LRRC20: variants seen among roughly 807,000 people sequenced by gnomAD.
LRRC20 encodes the protein leucine rich repeat containing 20.
A neutral mutation model predicts 14.4 loss-of-function variants in LRRC20; 11 were observed. The observed-to-expected ratio is 0.77, with a 90% CI of 0.48 to 1.27. The LOEUF is 1.27. LRRC20 is among the 50% of genes most tolerant of loss of function. LRRC20 has a pLI of 0.00. For synonymous variants in LRRC20, 121 were observed against 107.3 expected, an observed-to-expected ratio of 1.13 and a Z score of -0.79; for missense variants, 219 against 251.2, an observed-to-expected ratio of 0.87 and a Z score of 0.87.
chr10:70,333,417 A>T (rs1002410595), intron 3 of LRRC20, among the ~76,000 whole-genome samples: 1 of 152,062 alleles, frequency 6.6e-6, no homozygotes, highest in Admixed American at 6.6e-5. Context: ...AGGGAATTTA[A>T]CTTATTTTTT....
intron 2 of LRRC20, among the ~76,000 whole-genome samples, chr10:70,376,070 C>T (rs1844497527): frequency 6.6e-6 from 1 of 152,208 alleles, no homozygotes; most frequent in Non-Finnish European, 1.5e-5. Context: ...CAGCTGGCTT[C>T]ATTCACCCCA....
At chr10:70,382,298 T>C (rs971090083) in intron 1 of LRRC20, among the ~76,000 whole-genome samples, 2 of 152,164 alleles carry the variant, frequency 1.3e-5, no homozygotes, top group African/African-American at 4.8e-5. Flanking sequence ...CCCTGAACCA[T>C]CGGGGTCCAG....
At chr10:70,316,151 G>A (rs1249452089) in intron 4 of LRRC20, among the ~76,000 whole-genome samples, 1 of 151,774 alleles carries the variant, frequency 6.6e-6, no homozygotes, top group African/African-American at 2.4e-5. Flanking sequence ...TTTTTCTTTT[G>A]AGACATAGTC....
At chr10:70,358,778 G>C (rs1843619211) in intron 2 of LRRC20, among the ~76,000 whole-genome samples, 1 of 152,154 alleles carries the variant, frequency 6.6e-6, no homozygotes, top group South Asian at 2.1e-4. Flanking sequence ...CTTAGCGTGG[G>C]ACCTGGACTG....
intron 3 of LRRC20, among the ~76,000 whole-genome samples, chr10:70,329,316 ATCT>A (rs889325211): frequency 3.3e-5 from 5 of 152,274 alleles, no homozygotes; most frequent in African/African-American, 7.2e-5. Context: ...GGGAAAAGCT[ATCT>A]TCTTCTTCTT....
At chr10:70,315,668 C>A (rs183360148) in intron 4 of LRRC20, among the ~76,000 whole-genome samples, 3 of 152,332 alleles carry the variant, frequency 2.0e-5, no homozygotes, top group East Asian at 3.9e-4. Context: ...CGCCCCCCCA[C>A]AGAGGATCAG....
At chr10:70,359,022 A>G (rs1843626416) in intron 2 of LRRC20, among the ~76,000 whole-genome samples, 1 of 152,300 alleles carries the variant, frequency 6.6e-6, no homozygotes, top group Non-Finnish European at 1.5e-5. Context: ...ATGAGCTAAT[A>G]TTTATCTAGG....
intron 2 of LRRC20, among the ~76,000 whole-genome samples, chr10:70,350,418 T>C (rs1177911059): frequency 6.6e-6 from 1 of 152,240 alleles, no homozygotes; most frequent in East Asian, 1.9e-4. Flanking sequence ...AAAGAAGCCT[T>C]TTATTCAAAT....
rs115352031 is a variant in LRRC20 at position 70,313,071 on chromosome 10, C to G, written c.400+10792G>C. ...CTTTCCCTCCAAAGAGTCCCCTGCA[C>G]GCATATCTGACATGCAATCAAAGCC... On this transcript the variant is annotated intron_variant, in intron 4 of 4. Coordinates refer to ENST00000446961, the MANE Select transcript of LRRC20 (RefSeq NM_001278212.2). Among the ~76,000 whole-genome samples, 13 of 152,318 alleles carry G rather than the reference C, an allele frequency of 8.5e-5. No individual in the cohort carries two copies. In the East Asian group the frequency reaches 2.1e-3, roughly 25 times the overall value.
chr10:70,351,346 C>G (rs1284025768), intron 2 of LRRC20, among the ~76,000 whole-genome samples: 1 of 152,194 alleles, frequency 6.6e-6, no homozygotes, highest in Non-Finnish European at 1.5e-5. Context: ...CACTGAGTAA[C>G]ACAGCCTCCA....
At chr10:70,365,896 CCTCT>C (rs1164793492) in intron 2 of LRRC20, among the ~76,000 whole-genome samples, 2 of 151,690 alleles carry the variant, frequency 1.3e-5, no homozygotes, top group Non-Finnish European at 2.9e-5. Context: ...CGGTGAAACC[CCTCT>C]CTACTAAAAA....
chr10:70,312,877 T>C (rs1841722894), intron 4 of LRRC20, among the ~76,000 whole-genome samples: 1 of 152,184 alleles, frequency 6.6e-6, no homozygotes, highest in Non-Finnish European at 1.5e-5. Context: ...AAGCACGGGA[T>C]GTTTTAAGAA....
intron 2 of LRRC20, among the ~76,000 whole-genome samples, chr10:70,368,926 ATCT>A (rs1844146765): frequency 6.6e-6 from 1 of 152,152 alleles, no homozygotes; most frequent in Non-Finnish European, 1.5e-5. Context: ...CCCGGCCTGA[ATCT>A]GCATTTTTAA....
At chr10:70,381,090 T>C (rs944310426) in intron 1 of LRRC20, among the ~76,000 whole-genome samples, 1 of 152,250 alleles carries the variant, frequency 6.6e-6, no homozygotes, top group African/African-American at 2.4e-5. Context: ...TGCTTCTGTG[T>C]AGCGAACTAA....
chr10:70,314,274 C>A (rs1172005176), intron 4 of LRRC20, among the ~76,000 whole-genome samples: 1 of 152,100 alleles, frequency 6.6e-6, no homozygotes, highest in African/African-American at 2.4e-5. Flanking sequence ...GACCCCCAAC[C>A]CAGGAACTGA....
intron 2 of LRRC20, among the ~76,000 whole-genome samples, chr10:70,346,004 T>C (rs2137039465): frequency 6.6e-6 from 1 of 152,202 alleles, no homozygotes; most frequent in African/African-American, 2.4e-5. Flanking sequence ...GCTCACACTG[T>C]AATCCCATCA....
chr10:70,347,746 G>A (rs141103456), intron 2 of LRRC20, among the ~76,000 whole-genome samples: 1 of 147,456 alleles, frequency 6.8e-6, no homozygotes, highest in African/African-American at 2.5e-5. Flanking sequence ...TTGAGCCTGG[G>A]AGGAGGAGGT....
chr10:70,375,956 C>T (rs2137176775), intron 2 of LRRC20, among the ~76,000 whole-genome samples: 1 of 152,256 alleles, frequency 6.6e-6, no homozygotes, highest in South Asian at 2.1e-4. Context: ...AGACACAATT[C>T]AAGAAAAATA....
At chr10:70,322,662 GC>G (rs1216994919) in intron 4 of LRRC20, among the ~76,000 whole-genome samples, 1 of 152,162 alleles carries the variant, frequency 6.6e-6, no homozygotes, top group African/African-American at 2.4e-5. Flanking sequence ...ACCCCCAGGG[GC>G]TTCCCAGAGG....
Sources: allele counts gnomAD v4.1 joint callset (sites outside exome capture counted in the v4.1 genomes callset), GRCh38; gene constraint gnomAD v4.1.1; transcripts MANE v1.5; gene names NCBI Gene and HGNC (gene_info 2026-07-23, HGNC 2026-07-21).